Variants in SLC5A1 observed in about 807,000 individuals in gnomAD.
The protein encoded by SLC5A1 is sodium/glucose cotransporter 1.
Under a neutral mutation model 73.5 loss-of-function variants are expected in SLC5A1, and 42 were observed. The observed-to-expected ratio is 0.57, with a 90% CI of 0.45 to 0.74. The LOEUF is 0.74. Among genes scored for constraint, SLC5A1 ranks in the 30% least tolerant of loss-of-function variants. SLC5A1 has a pLI of 0.00. For synonymous variants in SLC5A1, 300 were observed against 317.4 expected, an observed-to-expected ratio of 0.95 and a Z score of 0.58; for missense variants, 634 against 855.4, an observed-to-expected ratio of 0.74 and a Z score of 3.23.
At position 32,067,089 on chromosome 22, in the gene SLC5A1, A is replaced by C. The variant is rs369478877; in HGVS notation, c.312+50A>C. ...CACTGGGGCTGGAAGGAGCCTTAGC[A>C]GTCAACCAGTTCAATCTATGCTCAG... On this transcript the variant is annotated intron_variant, in intron 3 of 14. Coordinates refer to ENST00000266088, the MANE Select transcript of SLC5A1 (RefSeq NM_000343.4). 2.3e-5 allele frequency: 32 copies of C among 1,388,424 alleles called. 1 individual carries two copies. The African/African-American group carries it at 4.0e-4, about 17-fold the overall frequency. 86.0% of individuals were successfully genotyped at this position (1,388,424 alleles called of 1,614,324 possible). A position where few individuals can be genotyped will look rare whatever the true frequency, so the allele number is the denominator to read the frequency against.
chr22:32,080,281 G>A (rs1430128863), intron 5 of SLC5A1, among the ~76,000 whole-genome samples: 1 of 152,140 alleles, frequency 6.6e-6, no homozygotes. Flanking sequence ...TGGGCAGAGG[G>A]GAACTATGGC....
chr22:32,046,608 T>C (rs2093937517), intron 1 of SLC5A1, among the ~76,000 whole-genome samples: 1 of 152,228 alleles, frequency 6.6e-6, no homozygotes, highest in Non-Finnish European at 1.5e-5. Flanking sequence ...CCAAGCATCA[T>C]GTCTGTCCCA....
intron 3 of SLC5A1, 38 bp downstream of exon 3, chr22:32,067,077 A>G: frequency 6.8e-7 from 1 of 1,476,818 alleles, no homozygotes; most frequent in Non-Finnish European, 9.5e-7. Flanking sequence ...TGGGGCTGGA[A>G]GGAGCCTTAG....
At chr22:32,085,564 T>C (rs2094006855) in intron 9 of SLC5A1, among the ~76,000 whole-genome samples, 1 of 151,488 alleles carries the variant, frequency 6.6e-6, no homozygotes, top group Non-Finnish European at 1.5e-5. Flanking sequence ...TTTTTTTTTT[T>C]TTCAAATCTT....
chr22:32,104,042 C>G (rs79852535), intron 13 of SLC5A1, among the ~76,000 whole-genome samples: 4,508 of 152,296 alleles, frequency 0.03, 204 homozygotes, highest in African/African-American at 0.097. Flanking sequence ...TTACTTTACT[C>G]ATGCATGCAC....
chr22:32,071,478 T>C (rs902776688), intron 5 of SLC5A1, among the ~76,000 whole-genome samples: 1 of 152,084 alleles, frequency 6.6e-6, no homozygotes, highest in Non-Finnish European at 1.5e-5. Flanking sequence ...AATGAAGATA[T>C]AATGATAACG....
intron 12 of SLC5A1, among the ~76,000 whole-genome samples, chr22:32,101,019 C>A (rs913405909): frequency 6.6e-6 from 1 of 152,040 alleles, no homozygotes; most frequent in Non-Finnish European, 1.5e-5. Flanking sequence ...CCTATTTAAG[C>A]TAGAATGAGG....
intron 2 of SLC5A1, among the ~76,000 whole-genome samples, chr22:32,059,521 C>G (rs571909366): frequency 6.6e-6 from 1 of 152,284 alleles, no homozygotes; most frequent in South Asian, 2.1e-4. Flanking sequence ...CAGAGCACAT[C>G]TTGGAAATTG....
At position 32,100,197 on chromosome 22, in the gene SLC5A1, T is replaced by C. The variant is rs2094033916; in HGVS notation, c.1449+846T>C. The stretch of plus-strand genomic sequence containing the variant: ...GAATGTGAAAGATGGAAGATGTGGC[T>C]GGAAAGGTAGGTCAGGGTTTCATTA... On this transcript the variant is annotated intron_variant, in intron 12 of 14. Transcript: ENST00000266088. Among the ~76,000 whole-genome samples, 8 of 152,346 alleles carry C rather than the reference T, an allele frequency of 5.3e-5. No individual in the cohort carries two copies. The South Asian group carries it at 1.7e-3, about 32-fold the overall frequency.
At chr22:32,085,870 G>A (rs887506285) in intron 9 of SLC5A1, among the ~76,000 whole-genome samples, 2 of 152,100 alleles carry the variant, frequency 1.3e-5, no homozygotes, top group South Asian at 2.1e-4. Context: ...GGCCGGGCAC[G>A]GTGGCTCACG....
rs1603150382 is a variant in SLC5A1, at chr22:32,111,252, T to A, written c.*1039T>A. 6.6e-6 allele frequency: 1 copy of A among 152,106 alleles called. No homozygotes were observed. Among genetic ancestry groups the A allele is most frequent in the African/African-American group, 2.4e-5 (1 of 41,394 alleles). 9.4% of individuals were successfully genotyped at this position (152,106 alleles called of 1,614,324 possible). A position where few individuals can be genotyped will look rare whatever the true frequency, so the allele number is the denominator to read the frequency against. On this transcript the variant is annotated 3_prime_UTR_variant, in exon 15 of 15. Transcript: ENST00000266088. ...GTTGGAGGCCAAGATGTCAGCAGGG[T>A]TGGTTTCTTCTGAGGCCTCTCTCCT...
chr22:32,083,253 G>A, intron 7 of SLC5A1, 99 bp downstream of exon 7: 2 of 978,712 alleles, frequency 2.0e-6, no homozygotes, highest in Non-Finnish European at 3.2e-6. Flanking sequence ...TGCCAGACTA[G>A]GCAGTGAGCT....
chr22:32,084,354 T>G, intron 7 of SLC5A1, 85 bp from the exon 8 acceptor site: 1 of 1,230,682 alleles, frequency 8.1e-7, no homozygotes. Flanking sequence ...TTGGGTCCTC[T>G]CAGTTTCTCA....
chr22:32,060,058 T>C (rs540151684), intron 2 of SLC5A1, among the ~76,000 whole-genome samples: 128 of 144,236 alleles, frequency 8.9e-4, no homozygotes, highest in East Asian at 2.2e-3. Flanking sequence ...CACACATATA[T>C]ACACACACAT....
chr22:32,085,090 A>T (rs1023608611), intron 9 of SLC5A1, 55 bp downstream of exon 9: 7 of 1,605,808 alleles, frequency 4.4e-6, no homozygotes, highest in Non-Finnish European at 6.0e-6. Context: ...TCTCCAAGTC[A>T]CTTCTAAAGC....
intron 12 of SLC5A1, 52 bp from the exon 13 acceptor site, chr22:32,101,970 G>T: frequency 7.3e-7 from 1 of 1,379,016 alleles, no homozygotes; most frequent in South Asian, 1.2e-5. Flanking sequence ...TGTTAGAAAG[G>T]CCATCTGTTT....
intron 8 of SLC5A1, 76 bp from the exon 9 acceptor site, chr22:32,084,824 T>G (rs2094005449): frequency 6.2e-7 from 1 of 1,602,394 alleles, no homozygotes; most frequent in African/African-American, 1.3e-5. Context: ...TGACCCAAGA[T>G]GGCGAAGCTA....
intron 12 of SLC5A1, among the ~76,000 whole-genome samples, chr22:32,101,290 C>T (rs1286357209): frequency 6.6e-6 from 1 of 151,138 alleles, no homozygotes; most frequent in African/African-American, 2.4e-5. Context: ...TGAGGACTTA[C>T]CTAAGGGAAA....
Position 32,110,260 on chromosome 22 carries a change from C to A in SLC5A1, c.*47C>A, listed in dbSNP as rs1400316227. On this transcript the variant is annotated 3_prime_UTR_variant, in exon 15 of 15. Coordinates refer to ENST00000266088, the MANE Select transcript of SLC5A1 (RefSeq NM_000343.4). Reference sequence around the variant, plus strand: ...TTACCATGGCTGGACTCTTACTCACCTTCCTTTAGTCTCGTCCTGTGGTGT... The same window carrying A: ...TTACCATGGCTGGACTCTTACTCACATTCCTTTAGTCTCGTCCTGTGGTGT... 7.0e-7 allele frequency: 1 copy of A among 1,425,418 alleles called. No individual in the cohort carries two copies. 88.3% of individuals were successfully genotyped at this position (1,425,418 alleles called of 1,614,324 possible).
Sources: gnomAD v4.1 joint callset for allele counts (sites outside exome capture counted in the v4.1 genomes callset) on GRCh38, gnomAD v4.1.1 for gene constraint, MANE v1.5 for transcripts, NCBI Gene and HGNC (gene_info 2026-07-23, HGNC 2026-07-21) for gene names.